Variants in SYNJ2 observed in about 807,000 individuals in gnomAD.
The protein encoded by SYNJ2 is synaptojanin 2, also known as polyphosphatidylinositol phosphatase SYNJ2.
SYNJ2 carries 116 observed loss-of-function variants against 141.3 expected under a neutral mutation model. The ratio of observed to expected loss-of-function variants is 0.82; its 90% CI spans 0.71 to 0.96. SYNJ2 has a LOEUF of 0.96. Among genes scored for constraint, SYNJ2 ranks in the 40% least tolerant of loss-of-function variants. The pLI, the probability that SYNJ2 is intolerant of heterozygous loss-of-function variation, is 0.00. For synonymous variants in SYNJ2, 745 were observed against 777.7 expected, an observed-to-expected ratio of 0.96 and a Z score of 0.70; for missense variants, 1,873 against 1,934.8, an observed-to-expected ratio of 0.97 and a Z score of 0.60.
chr6:158,088,536 A>G lies in SYNJ2; in HGVS notation c.3344-124A>G, dbSNP rs79382565. On this transcript the variant is annotated intron_variant, in intron 23 of 26. Coordinates refer to ENST00000355585, the MANE Select transcript of SYNJ2 (RefSeq NM_003898.4). ...TGGGTGCCCTAAGTGCCGAGTGAGT[A>G]TTCGGACCTCACCGTGTCTGTGGTC... 1.1e-3 allele frequency: 798 copies of G among 714,564 alleles called. 9 individuals are homozygous for G. In the East Asian group the frequency reaches 0.019, roughly 17 times the overall value. The allele number at this position is 714,564 out of a possible 1,614,324, so 44.3% of individuals were successfully genotyped here.
chr6:157,994,365 G>A (rs1158624781), intron 1 of SYNJ2, among the ~76,000 whole-genome samples: 1 of 152,248 alleles, frequency 6.6e-6, no homozygotes, highest in East Asian at 1.9e-4. Context: ...GTGCTCCAGG[G>A]CAGAACAGTG....
chr6:158,053,503 C>T (rs1277033379), intron 5 of SYNJ2, among the ~76,000 whole-genome samples: 1 of 152,094 alleles, frequency 6.6e-6, no homozygotes, highest in Non-Finnish European at 1.5e-5. Flanking sequence ...TCCCCATTCA[C>T]CCACCTACAC....
intron 2 of SYNJ2, among the ~76,000 whole-genome samples, chr6:158,023,451 G>T (rs1372921881): frequency 6.6e-6 from 1 of 152,070 alleles, no homozygotes; most frequent in Non-Finnish European, 1.5e-5. Flanking sequence ...CCACACAGCG[G>T]TCCTGAGGTT....
At chr6:158,063,723 C>A in intron 8 of SYNJ2, 68 bp from the exon 9 acceptor site, 1 of 1,045,178 alleles carries the variant, frequency 9.6e-7, no homozygotes, top group Non-Finnish European at 1.4e-6. Flanking sequence ...CAGACATGGG[C>A]CTCTGTGCTA....
chr6:158,026,833 G>A (rs1416721044), intron 2 of SYNJ2: 3 of 985,310 alleles, frequency 3.0e-6, no homozygotes, highest in East Asian at 1.1e-4. Context: ...GTCAGAAGAG[G>A]CAGGTGGGTG....
rs1276764372 is a variant in SYNJ2, at chr6:158,086,902, G to T, written c.3256G>T (p.Glu1086Ter). 7 of 1,610,324 alleles carry T rather than the reference G, an allele frequency of 4.3e-6. No individual in the cohort carries two copies. The highest frequency in any genetic ancestry group is 5.9e-6 in the Non-Finnish European group (7 of 1,180,018). Reference protein sequence around the residue: ...ELKRELEAVGEFRHRSPSRSL... With the variant: ...ELKRELEAVG ...CAAGCGGGAGCTGGAAGCCGTCGGG[G>T]AGTTCCGCCACCGTTCTCCGAGCAG... Residue 1086 changes from glutamate to a stop codon, truncating the protein, a stop_gained, in exon 23 of 27, where the codon GAG (glutamate) becomes TAG (stop). Coordinates refer to ENST00000355585, the MANE Select transcript of SYNJ2 (RefSeq NM_003898.4). LOFTEE classifies it high-confidence loss of function.
At chr6:157,994,265 C>T (rs1038896858) in intron 1 of SYNJ2, among the ~76,000 whole-genome samples, 6 of 152,226 alleles carry the variant, frequency 3.9e-5, no homozygotes, top group Non-Finnish European at 7.3e-5. Context: ...TTCTCTGCAG[C>T]TCCTGCTGAT....
chr6:157,985,742 T>C (rs1180309408), intron 1 of SYNJ2, among the ~76,000 whole-genome samples: 1 of 152,212 alleles, frequency 6.6e-6, no homozygotes, highest in Non-Finnish European at 1.5e-5. Flanking sequence ...TGTCCCTGTG[T>C]TTACAGTGCG....
chr6:158,042,589 C>T (rs1201556095), intron 4 of SYNJ2, among the ~76,000 whole-genome samples: 3 of 152,254 alleles, frequency 2.0e-5, no homozygotes, highest in African/African-American at 7.2e-5. Flanking sequence ...TTAAAACTCC[C>T]TTGCACTCCA....
Position 158,092,913 on chromosome 6 carries a change from T to C in SYNJ2, c.3566-13T>C, listed in dbSNP as rs1052385582. 5.1e-6 allele frequency: 8 copies of C among 1,574,186 alleles called. No homozygotes were observed. The highest frequency in any genetic ancestry group is 2.8e-5 in the African/African-American group (2 of 72,254). ...TGTCCTTTACACTTCAGCCATGTGG[T>C]TTTATGTTTCAGGTGCCTCCGAAGA... On this transcript the variant is annotated splice_polypyrimidine_tract_variant and intron_variant, in intron 25 of 26. Transcript: ENST00000355585.
chr6:157,983,802 C>A (rs2128312193), intron 1 of SYNJ2, among the ~76,000 whole-genome samples: 1 of 151,758 alleles, frequency 6.6e-6, no homozygotes, highest in Admixed American at 6.6e-5. Flanking sequence ...ACCTAGCATT[C>A]ATTTTTCAGT....
intron 1 of SYNJ2, among the ~76,000 whole-genome samples, chr6:158,013,147 C>T (rs9365719): frequency 0.66 from 100,009 of 151,688 alleles, 33,337 homozygotes; most frequent in Middle Eastern, 0.77. Flanking sequence ...TTTGGAAGGC[C>T]GAGACGGGCA....
intron 4 of SYNJ2, among the ~76,000 whole-genome samples, chr6:158,039,833 G>T (rs962260971): frequency 6.6e-6 from 1 of 152,214 alleles, no homozygotes; most frequent in Admixed American, 6.5e-5. Context: ...TGGGGAGGCA[G>T]GTGAGCCCCT....
At chr6:158,003,575 C>T (rs756741002) in intron 1 of SYNJ2, among the ~76,000 whole-genome samples, 5 of 152,220 alleles carry the variant, frequency 3.3e-5, no homozygotes, top group Admixed American at 1.3e-4. Context: ...ACCTCAGTCT[C>T]GGGCTGTCTG....
At chr6:158,059,616 G>A in intron 7 of SYNJ2, 2 of 1,101,194 alleles carry the variant, frequency 1.8e-6, no homozygotes, top group East Asian at 6.5e-5. Flanking sequence ...GTGCAGTGGT[G>A]CAATCTCAGC....
intron 5 of SYNJ2, among the ~76,000 whole-genome samples, chr6:158,053,683 A>G (rs2128354539): frequency 6.6e-6 from 1 of 151,072 alleles, no homozygotes; most frequent in South Asian, 2.1e-4. Flanking sequence ...CTATCCAGCC[A>G]GTCATCCATC....
chr6:158,064,640 A>G lies in SYNJ2; in HGVS notation c.1249A>G (p.Lys417Glu). The G allele has an allele frequency of 6.2e-7, 1 of 1,614,076 alleles. No individual in the cohort carries two copies. Reference protein sequence around the residue: ...LQLKTLGLSSKPIVDRFVESF... With the variant: ...LQLKTLGLSSEPIVDRFVESF... Reference sequence around the variant, plus strand: ...GCTCAAGACCCTGGGGCTGAGTTCAAAACCCATCGTTGACCGCTTTGTGGA... The same window carrying G: ...GCTCAAGACCCTGGGGCTGAGTTCAGAACCCATCGTTGACCGCTTTGTGGA... The change falls in exon 10 of 27, where the codon AAA (lysine) becomes GAA (glutamate). Residue 417 changes from lysine (K) to glutamate (E), a missense_variant. Physicochemically the swap from Lys to Glu is moderately conservative, Grantham distance 56. Coordinates refer to ENST00000355585, the MANE Select transcript of SYNJ2 (RefSeq NM_003898.4).
At chr6:158,057,118 C>T (rs1780915335) in intron 6 of SYNJ2, among the ~76,000 whole-genome samples, 1 of 151,992 alleles carries the variant, frequency 6.6e-6, no homozygotes. Context: ...ACTCTTGGTC[C>T]CTCCCTGAAG....
rs543353099 is a variant in SYNJ2, at chr6:158,032,170, G to T, written c.486-1285G>T. Among the ~76,000 whole-genome samples, 38 of 151,926 alleles carry T rather than the reference G, an allele frequency of 2.5e-4. No homozygotes were observed. The East Asian group carries it at 3.3e-3, about 13-fold the overall frequency. ...CATGTGACTGTGCGACCTCAGACGGGGTCAGACGCGGGCTGTGCTCCCTGT... is the reference window on the plus strand; with the variant it reads ...CATGTGACTGTGCGACCTCAGACGGTGTCAGACGCGGGCTGTGCTCCCTGT... On this transcript the variant is annotated intron_variant, in intron 3 of 26. Transcript: ENST00000355585.
Sources: gnomAD v4.1 joint callset for allele counts (sites outside exome capture counted in the v4.1 genomes callset) on GRCh38, gnomAD v4.1.1 for gene constraint, MANE v1.5 for transcripts, NCBI Gene and HGNC (gene_info 2026-07-23, HGNC 2026-07-21) for gene names.